Variants in FADS2 observed in about 807,000 individuals in gnomAD.
FADS2 encodes fatty acid desaturase 2, also known as acyl-CoA 6-desaturase.
A neutral mutation model predicts 61.2 loss-of-function variants in FADS2; 18 were observed. The ratio of observed to expected loss-of-function variants is 0.29; its 90% confidence interval spans 0.20 to 0.44. The LOEUF is 0.44. Ranked by LOEUF, FADS2 falls within the 20% of genes least tolerant of loss-of-function variation. The probability of loss-of-function intolerance (pLI) is 1.00; values close to 1 mark genes in which losing one functional copy is unlikely to be tolerated. For missense variants in FADS2, 322 were observed against 572.7 expected, an observed-to-expected ratio of 0.56 and a Z score of 4.47; for synonymous variants, 203 against 223.9, an observed-to-expected ratio of 0.91 and a Z score of 0.83.
At chr11:61,822,246 GGCGTGAGCCACC>G (rs1317465990) in intron 1 of FADS2, among the ~76,000 whole-genome samples, 1 of 152,236 alleles carries the variant, frequency 6.6e-6, no homozygotes, top group African/African-American at 2.4e-5. Flanking sequence ...TGGGATTACA[GGCGTGAGCCACC>G]GCGCCCGGCC....
At chr11:61,849,319 A>G (rs573901701) in intron 5 of FADS2, among the ~76,000 whole-genome samples, 85 of 152,362 alleles carry the variant, frequency 5.6e-4, no homozygotes, top group African/African-American at 1.6e-3. Context: ...TACTACAAAT[A>G]TAGAACACAC....
chr11:61,826,556 C>A (rs1336284049), upstream of FADS2: 3 of 601,870 alleles, frequency 5.0e-6, no homozygotes, highest in Non-Finnish European at 8.9e-6. Context: ...TTTCCGTCAA[C>A]GTTTGACAGT....
intron 6 of FADS2, 60 bp from the exon 7 acceptor site, chr11:61,857,394 G>C: frequency 4.0e-6 from 6 of 1,515,234 alleles, no homozygotes; most frequent in Non-Finnish European, 5.5e-6. Context: ...GGGTTCCCCT[G>C]ACCTTCCGGC....
At chr11:61,857,808 A>T (rs2067376053) in intron 7 of FADS2, among the ~76,000 whole-genome samples, 1 of 151,832 alleles carries the variant, frequency 6.6e-6, no homozygotes, top group South Asian at 2.1e-4. Flanking sequence ...GCAGGATGAG[A>T]GGCAAGTGTG....
chr11:61,854,361 G>A lies in FADS2; in HGVS notation c.745-2650G>A, dbSNP rs142794056. On this transcript the variant is annotated intron_variant, in intron 5 of 11. Transcript: ENST00000278840. ...CACTTAATCCTTGCTTAACCCGTGA[G>A]GCGGGAGCTGTCATCGACCCATTTC... 1.1e-3 allele frequency: 169 copies of A among 152,424 alleles called. 1 individual carries two copies. Among genetic ancestry groups the A allele is most frequent in the African/African-American group, 3.9e-3 (161 of 41,596 alleles). 9.4% of individuals were successfully genotyped at this position (152,424 alleles called of 1,614,324 possible). A position where few individuals can be genotyped will look rare whatever the true frequency, so the allele number is the denominator to read the frequency against.
chr11:61,823,237 C>T (rs969497681), intron 1 of FADS2, among the ~76,000 whole-genome samples: 7 of 152,132 alleles, frequency 4.6e-5, no homozygotes, highest in African/African-American at 1.4e-4. Context: ...GGAGAAGGAT[C>T]CATCAAGTTT....
chr11:61,856,982 G>A lies in FADS2; in HGVS notation c.745-29G>A, dbSNP rs529697166. ...GGGAGGCTGGGAGCTGAGGCTACTGGGTGCTCATGATCTCTCCTCTCTCCT... is the reference window on the plus strand; with the variant it reads ...GGGAGGCTGGGAGCTGAGGCTACTGAGTGCTCATGATCTCTCCTCTCTCCT... On this transcript the variant is annotated intron_variant, in intron 5 of 11. Transcript: ENST00000278840. 1.8e-5 allele frequency: 28 copies of A among 1,598,620 alleles called. No individual in the cohort carries two copies. In the Admixed American group the frequency reaches 4.7e-4, roughly 27 times the overall value.
rs2067102656 is a variant in FADS2, at chr11:61,828,653, C to T, written c.207+56C>T. The T allele has an allele frequency of 6.7e-7, 1 of 1,498,214 alleles. No homozygotes were observed. The highest frequency in any genetic ancestry group is 1.9e-5 in the Admixed American group (1 of 52,598). 92.8% of individuals were successfully genotyped at this position (1,498,214 alleles called of 1,614,324 possible). A position where few individuals can be genotyped will look rare whatever the true frequency, so the allele number is the denominator to read the frequency against. On this transcript the variant is annotated intron_variant, in intron 1 of 11. Transcript: ENST00000278840. The surrounding 1 kb of genome is among the most constrained non-coding windows in gnomAD (Gnocchi z 6.4). ...TCTCTGCTGCAGGCGGAGTCAGGAT[C>T]CCTGGCTCCCCGTGGGCCAAACAGA...
Position 61,837,874 on chromosome 11 carries a change from G to T in FADS2, c.304G>T (p.Asp102Tyr). ...GELAPEEPSQ[D>Y]HGKNSKITED... ...ACTGGCCCCGGAGGAGCCCAGCCAG[G>T]ACCACGGCAAGAACGTAAGTCTGGC... Residue 102 changes from aspartate (D) to tyrosine (Y), a missense_variant, in exon 2 of 12, where the codon GAC (aspartate) becomes TAC (tyrosine). By Grantham distance (160) the Asp-to-Tyr change is radical. Transcript: ENST00000278840. The T allele has an allele frequency of 6.2e-7, 1 of 1,613,088 alleles. No homozygotes were observed. Among genetic ancestry groups the T allele is most frequent in the Non-Finnish European group, 8.5e-7 (1 of 1,179,420 alleles).
intron 4 of FADS2, among the ~76,000 whole-genome samples, chr11:61,844,691 T>C (rs918122967): frequency 1.3e-5 from 2 of 151,884 alleles, no homozygotes; most frequent in Non-Finnish European, 2.9e-5. Flanking sequence ...TTTGGGAGGT[T>C]GAGGAGGGCA....
chr11:61,864,852 T>C (rs541373243), intron 10 of FADS2, among the ~76,000 whole-genome samples: 1 of 152,302 alleles, frequency 6.6e-6, no homozygotes, highest in Admixed American at 6.5e-5. Flanking sequence ...CCTCTTTTCC[T>C]AGCATTCCCC....
At chr11:61,861,353 C>CAAAAAAAAAAAAAAAAAAACAAA (rs58136105) in intron 7 of FADS2, among the ~76,000 whole-genome samples, 5 of 29,740 alleles carry the variant, frequency 1.7e-4, no homozygotes, top group African/African-American at 4.7e-4. Flanking sequence ...GACTCCCTCT[C>CAAAAAAAAAAAAAAAAAAACAAA]AAAAAAAAAA....
intron 4 of FADS2, 81 bp from the exon 5 acceptor site, chr11:61,848,078 G>T (rs1353260577): frequency 6.3e-7 from 1 of 1,581,022 alleles, no homozygotes; most frequent in Non-Finnish European, 8.7e-7. Flanking sequence ...TCCGGGAACT[G>T]CTCCTAAGAA....
rs560131316 is a variant in FADS2, at chr11:61,848,145, C to G, written c.619-14C>G. 6.2e-7 allele frequency: 1 copy of G among 1,614,078 alleles called. No homozygotes were observed. Among genetic ancestry groups the G allele is most frequent in the Non-Finnish European group, 8.5e-7 (1 of 1,179,952 alleles). The stretch of plus-strand genomic sequence containing the variant: ...TGGCTTGCATGGCTCATCCCCACCC[C>G]TCTCTCCCCACAGGGTGCCTCTGCC... On this transcript the variant is annotated splice_polypyrimidine_tract_variant and intron_variant, in intron 4 of 11. Transcript: ENST00000278840.
chr11:61,854,857 T>C (rs2067341688), intron 5 of FADS2: 1 of 152,262 alleles, frequency 6.6e-6, no homozygotes, highest in Non-Finnish European at 1.5e-5. Context: ...TGCGTGACTG[T>C]GATGAGCATT....
At chr11:61,862,764 T>C (rs1373652109) in intron 7 of FADS2, 8 of 585,428 alleles carry the variant, frequency 1.4e-5, no homozygotes, top group Non-Finnish European at 2.1e-5. Context: ...CACTTCCTGA[T>C]GCTAAAACAC....
Position 61,865,197 on chromosome 11 carries a change from G to A in FADS2, c.1203G>A (p.Pro401=), listed in dbSNP as rs531536353. 25 of 1,613,866 alleles carry A rather than the reference G, an allele frequency of 1.5e-5. No homozygotes were observed. In the East Asian group the frequency reaches 2.0e-4, roughly 13 times the overall value. Residue 401 remains proline (P), a synonymous_variant, in exon 11 of 12, where the codon CCG becomes CCA. Transcript: ENST00000278840. The surrounding 1 kb of genome is among the most constrained non-coding windows in gnomAD (Gnocchi z 4.1). ...MPRHNLHKIA[P]LVKSLCAKHG... The stretch of plus-strand genomic sequence containing the variant: ...GGCACAACTTACACAAGATCGCCCC[G>A]CTGGTGAAGTCTCTATGTGCCAAGC...
chr11:61,853,262 T>C (rs174596), intron 5 of FADS2, among the ~76,000 whole-genome samples: 41,094 of 129,814 alleles, frequency 0.32, 7,162 homozygotes, highest in African/African-American at 0.45. Context: ...TCTTTCTTTC[T>C]CTCCCTCCCT....
Position 61,857,373 on chromosome 11 carries a change from G to C in FADS2, c.806-81G>C. The C allele has an allele frequency of 3.8e-6, 5 of 1,311,680 alleles. No homozygotes were observed. The South Asian group carries it at 5.9e-5, about 15-fold the overall frequency. 81.3% of individuals were successfully genotyped at this position (1,311,680 alleles called of 1,614,324 possible). ...TCTGCAGGGCTGGCCCCTGCACTCA[G>C]TGCTGGGCCTGGGTTCCCCTGACCT... On this transcript the variant is annotated intron_variant, in intron 6 of 11. Coordinates refer to ENST00000278840, the MANE Select transcript of FADS2 (RefSeq NM_004265.4).
Sources: gnomAD v4.1 joint callset for allele counts (sites outside exome capture counted in the v4.1 genomes callset) on GRCh38, gnomAD v4.1.1 for gene constraint, Gnocchi (gnomAD v3.1) non-coding constraint, MANE v1.5 for transcripts, NCBI Gene and HGNC (gene_info 2026-07-23, HGNC 2026-07-21) for gene names.